MAML3: variants seen among roughly 807,000 people sequenced by gnomAD.
MAML3 encodes mastermind-like protein 3.
MAML3 carries 27 observed loss-of-function variants against 101.9 expected under a neutral mutation model. That is an observed-to-expected ratio of 0.27 (90% CI 0.20 to 0.37). The LOEUF is 0.37. Ranked by LOEUF, MAML3 falls within the 10% of genes least tolerant of loss-of-function variation. The probability of loss-of-function intolerance (pLI) is 1.00; values close to 1 mark genes in which losing one functional copy is unlikely to be tolerated. For synonymous variants in MAML3, 501 were observed against 555.9 expected, an observed-to-expected ratio of 0.90 and a Z score of 1.39; for missense variants, 1,316 against 1,444.9, an observed-to-expected ratio of 0.91 and a Z score of 1.45.
chr4:139,974,649 G>A lies in MAML3; in HGVS notation c.469-83682C>T, dbSNP rs938133723. On this transcript the variant is annotated intron_variant, in intron 1 of 4. Coordinates refer to ENST00000509479, the MANE Select transcript of MAML3 (RefSeq NM_018717.5). ...AGAGATGATTCCCGAGACTCTTCTAGGTCTCAAGTTCTATAAACCTTTCAA... is the reference window on the plus strand; with the variant it reads ...AGAGATGATTCCCGAGACTCTTCTAAGTCTCAAGTTCTATAAACCTTTCAA... Among the ~76,000 whole-genome samples the A allele has an allele frequency of 5.9e-5, 9 of 152,070 alleles. No homozygotes were observed. The South Asian group carries it at 1.9e-3, about 32-fold the overall frequency.
intron 1 of MAML3, among the ~76,000 whole-genome samples, chr4:140,041,910 A>T (rs1727092487): frequency 6.6e-6 from 1 of 152,186 alleles, no homozygotes; most frequent in South Asian, 2.1e-4. Context: ...GTTCTTAGTA[A>T]GACTATATGG....
At chr4:139,925,748 T>A (rs1184899534) in intron 1 of MAML3, among the ~76,000 whole-genome samples, 1 of 152,198 alleles carries the variant, frequency 6.6e-6, no homozygotes, top group African/African-American at 2.4e-5. Flanking sequence ...AGTGCTTTAT[T>A]ATAGTCTCTC....
intron 2 of MAML3, among the ~76,000 whole-genome samples, chr4:139,733,768 T>A (rs901423316): frequency 2.6e-5 from 4 of 152,134 alleles, no homozygotes; most frequent in African/African-American, 4.8e-5. Flanking sequence ...CACTGCAACC[T>A]CCAACTCCTG....
intron 1 of MAML3, among the ~76,000 whole-genome samples, chr4:140,054,801 C>T (rs953786590): frequency 5.3e-5 from 8 of 152,160 alleles, no homozygotes; most frequent in Non-Finnish European, 8.8e-5. Flanking sequence ...CCAAGCACAG[C>T]GATGAGTCCC....
intron 2 of MAML3, among the ~76,000 whole-genome samples, chr4:139,734,873 A>T (rs1728871048): frequency 6.6e-6 from 1 of 152,224 alleles, no homozygotes; most frequent in Non-Finnish European, 1.5e-5. Context: ...GGTGACGGGG[A>T]CCCCGTGGAT....
intron 1 of MAML3, among the ~76,000 whole-genome samples, chr4:139,944,949 G>T (rs1455541740): frequency 6.6e-6 from 1 of 150,822 alleles, no homozygotes; most frequent in Non-Finnish European, 1.5e-5. Context: ...CCATTACTGG[G>T]TATATACCCA....
chr4:139,864,861 T>C (rs1315116726), intron 2 of MAML3, among the ~76,000 whole-genome samples: 1 of 144,084 alleles, frequency 6.9e-6, no homozygotes, highest in African/African-American at 2.6e-5. Context: ...ACTAGTAAGC[T>C]GATCAGAAAA....
At chr4:140,085,650 T>C (rs1261361091) in intron 1 of MAML3, among the ~76,000 whole-genome samples, 2 of 152,204 alleles carry the variant, frequency 1.3e-5, no homozygotes, top group Admixed American at 1.3e-4. Context: ...CACATGGGCA[T>C]GAAAAGAATT....
intron 1 of MAML3, among the ~76,000 whole-genome samples, chr4:140,120,112 C>G (rs1199666786): frequency 1.1e-4 from 16 of 151,924 alleles, no homozygotes; most frequent in African/African-American, 3.6e-4. Context: ...TGGCGGGCGC[C>G]TGTAGTCCCA....
chr4:139,884,922 T>A (rs1011568364), intron 2 of MAML3, among the ~76,000 whole-genome samples: 5 of 152,200 alleles, frequency 3.3e-5, no homozygotes, highest in African/African-American at 1.2e-4. Context: ...AGTGTGTGTG[T>A]AAGAGAGAAG....
chr4:140,096,129 C>A (rs1226600870), intron 1 of MAML3, among the ~76,000 whole-genome samples: 3 of 152,164 alleles, frequency 2.0e-5, no homozygotes, highest in Non-Finnish European at 4.4e-5. Flanking sequence ...TCTGGTGCTA[C>A]CTATTTAAAG....
intron 1 of MAML3, among the ~76,000 whole-genome samples, chr4:139,932,473 G>T (rs923308669): frequency 1.3e-5 from 2 of 152,172 alleles, no homozygotes; most frequent in Admixed American, 6.5e-5. Flanking sequence ...AGGCTTATTT[G>T]CAATTAGCAT....
At chr4:140,092,120 G>C (rs1034109333) in intron 1 of MAML3, among the ~76,000 whole-genome samples, 1 of 134,156 alleles carries the variant, frequency 7.5e-6, no homozygotes. Context: ...ATATATATAC[G>C]TATATATATA....
chr4:139,826,667 T>C (rs1479968692), intron 2 of MAML3, among the ~76,000 whole-genome samples: 1 of 152,212 alleles, frequency 6.6e-6, no homozygotes, highest in Non-Finnish European at 1.5e-5. Context: ...CATAATTGCC[T>C]GCTAGGGAAC....
intron 2 of MAML3, among the ~76,000 whole-genome samples, chr4:139,742,180 G>C (rs189711136): frequency 7.0e-6 from 1 of 143,650 alleles, no homozygotes; most frequent in Non-Finnish European, 1.5e-5. Flanking sequence ...AGAGAGTCTC[G>C]CTCTGTCAGC....
At chr4:140,083,989 G>C (rs1184155601) in intron 1 of MAML3, among the ~76,000 whole-genome samples, 143 of 149,560 alleles carry the variant, frequency 9.6e-4, no homozygotes, top group African/African-American at 3.4e-3. Flanking sequence ...GAGAGAGAGA[G>C]AGAGAGAGAG....
At chr4:139,749,887 C>CT (rs35962078) in intron 2 of MAML3, among the ~76,000 whole-genome samples, 17 of 114,084 alleles carry the variant, frequency 1.5e-4, no homozygotes, top group African/African-American at 6.7e-4. Context: ...GAATAAGAAC[C>CT]CCCCCCCACC....
chr4:139,954,795 C>T (rs1415082971), intron 1 of MAML3, among the ~76,000 whole-genome samples: 1 of 152,132 alleles, frequency 6.6e-6, no homozygotes, highest in African/African-American at 2.4e-5. Flanking sequence ...TCTGGGATTA[C>T]AGGCACATGT....
chr4:140,137,393 T>A (rs1728909352), intron 1 of MAML3, among the ~76,000 whole-genome samples: 1 of 152,208 alleles, frequency 6.6e-6, no homozygotes, highest in African/African-American at 2.4e-5. Flanking sequence ...TTGTGGGTTT[T>A]AACATTGAAA....
Sources: allele counts gnomAD v4.1 joint callset (sites outside exome capture counted in the v4.1 genomes callset), GRCh38; gene constraint gnomAD v4.1.1; transcripts MANE v1.5; gene names NCBI Gene and HGNC (gene_info 2026-07-23, HGNC 2026-07-21).